The following TBC1D19 variants were observed in gnomAD, a reference collection of about 807,000 sequenced individuals.
TBC1D19 encodes TBC1 domain family, member 19.
In TBC1D19, 60 loss-of-function variants were observed where a neutral mutation model predicts 89.0. That is an observed-to-expected ratio of 0.67 (90% confidence interval 0.55 to 0.84). The LOEUF is 0.84. Ranked by LOEUF, TBC1D19 falls within the 40% of genes least tolerant of loss-of-function variation. The pLI, the probability that TBC1D19 is intolerant of heterozygous loss-of-function variation, is 0.00. For missense variants in TBC1D19, 500 were observed against 610.8 expected, an observed-to-expected ratio of 0.82 and a Z score of 1.91; for synonymous variants, 189 against 199.7, an observed-to-expected ratio of 0.95 and a Z score of 0.45.
intron 7 of TBC1D19, among the ~76,000 whole-genome samples, chr4:26,641,696 A>G (rs1320934777): frequency 6.6e-6 from 1 of 152,302 alleles, no homozygotes; most frequent in South Asian, 2.1e-4. Flanking sequence ...GATTAGACGA[A>G]TGGCTAACTA....
intron 15 of TBC1D19, among the ~76,000 whole-genome samples, chr4:26,725,158 C>T (rs7658999): frequency 0.42 from 63,492 of 152,054 alleles, 13,549 homozygotes; most frequent in Non-Finnish European, 0.47. Flanking sequence ...TGGCTGCTGC[C>T]AAGTTGGGGA....
intron 11 of TBC1D19, among the ~76,000 whole-genome samples, chr4:26,676,271 C>A (rs1712795922): frequency 6.6e-6 from 1 of 152,160 alleles, no homozygotes; most frequent in Admixed American, 6.6e-5. Context: ...TCTCTTCAGT[C>A]CCTTCTCTTC....
intron 7 of TBC1D19, among the ~76,000 whole-genome samples, chr4:26,641,617 T>A (rs1159437569): frequency 7.2e-6 from 1 of 138,264 alleles, no homozygotes; most frequent in Non-Finnish European, 1.7e-5. Flanking sequence ...AAGTCGGTAA[T>A]AACACACGTC....
intron 9 of TBC1D19, among the ~76,000 whole-genome samples, chr4:26,667,345 C>G (rs957052896): frequency 6.6e-6 from 1 of 151,996 alleles, no homozygotes; most frequent in Non-Finnish European, 1.5e-5. Context: ...AAGCCCTCCT[C>G]CTACCCTCTT....
intron 1 of TBC1D19, among the ~76,000 whole-genome samples, chr4:26,578,338 G>A (rs2109918389): frequency 6.6e-6 from 1 of 152,294 alleles, no homozygotes; most frequent in Admixed American, 6.5e-5. Context: ...CTTCCATAAT[G>A]GATGGAGACA....
At chr4:26,832,078 A>G in the TBC1D19 span, among the ~76,000 whole-genome samples, 1 of 152,248 alleles carries the variant, frequency 6.6e-6, no homozygotes, top group Non-Finnish European at 1.5e-5. Context: ...CATGCTGGGC[A>G]AGCTGTGGGT....
At chr4:26,652,393 C>A (rs1481540130) in intron 7 of TBC1D19, among the ~76,000 whole-genome samples, 1 of 152,058 alleles carries the variant, frequency 6.6e-6, no homozygotes, top group African/African-American at 2.4e-5. Context: ...AATTTCAGAG[C>A]CTGTTATTTT....
the TBC1D19 span, among the ~76,000 whole-genome samples, chr4:26,839,580 G>A: frequency 7.8e-5 from 11 of 141,088 alleles, no homozygotes; most frequent in South Asian, 1.4e-3. Context: ...TCACCCCCCC[G>A]CCCTTTCTGT....
intron 7 of TBC1D19, among the ~76,000 whole-genome samples, chr4:26,651,325 A>G (rs1744362469): frequency 6.6e-6 from 1 of 151,998 alleles, no homozygotes; most frequent in Non-Finnish European, 1.5e-5. Flanking sequence ...CATTTTCACG[A>G]TATTGATTCT....
At chr4:26,604,148 C>CTTTTT (rs1173641270) in intron 1 of TBC1D19, among the ~76,000 whole-genome samples, 118 of 120,686 alleles carry the variant, frequency 9.8e-4, no homozygotes, top group African/African-American at 2.7e-3. Context: ...TTTTCTTTTT[C>CTTTTT]TTTTTTTTTT....
the TBC1D19 span, among the ~76,000 whole-genome samples, chr4:26,837,921 AT>A: frequency 1.3e-5 from 2 of 152,156 alleles, no homozygotes; most frequent in African/African-American, 4.8e-5. Flanking sequence ...AAAATTGGAC[AT>A]TTTTTCCCCT....
chr4:26,616,057 T>A (rs1417720376), intron 3 of TBC1D19, among the ~76,000 whole-genome samples: 1 of 151,552 alleles, frequency 6.6e-6, no homozygotes, highest in Non-Finnish European at 1.5e-5. Context: ...CTCGTTGGGA[T>A]TTTTTTTTAA....
At chr4:26,599,216 C>T (rs982377557) in intron 1 of TBC1D19, among the ~76,000 whole-genome samples, 2 of 152,050 alleles carry the variant, frequency 1.3e-5, no homozygotes, top group African/African-American at 2.4e-5. Flanking sequence ...AGTTTATATC[C>T]ATTAGCACTG....
At chr4:26,634,372 G>A (rs560242519) in intron 4 of TBC1D19, among the ~76,000 whole-genome samples, 5 of 152,192 alleles carry the variant, frequency 3.3e-5, no homozygotes, top group Non-Finnish European at 5.9e-5. Context: ...AAAAATGTGA[G>A]ACTGCGAGAG....
intron 4 of TBC1D19, among the ~76,000 whole-genome samples, chr4:26,625,430 G>T (rs956057503): frequency 6.6e-6 from 1 of 152,112 alleles, no homozygotes; most frequent in African/African-American, 2.4e-5. Flanking sequence ...GATCTCATAC[G>T]CAGTTTCCCT....
At chr4:26,728,944 G>A (rs1717491258) in intron 15 of TBC1D19, among the ~76,000 whole-genome samples, 1 of 152,228 alleles carries the variant, frequency 6.6e-6, no homozygotes, top group Non-Finnish European at 1.5e-5. Flanking sequence ...GAACCCGGGA[G>A]GCGGAGCTTG....
downstream of TBC1D19, among the ~76,000 whole-genome samples, chr4:26,760,745 T>C (rs1719432206): frequency 6.6e-6 from 1 of 152,210 alleles, no homozygotes; most frequent in Admixed American, 6.5e-5. Context: ...AATTTATCTA[T>C]TTTTTCTTTT....
the TBC1D19 span, among the ~76,000 whole-genome samples, chr4:26,833,017 CA>C: frequency 1.3e-5 from 2 of 151,994 alleles, no homozygotes; most frequent in East Asian, 1.9e-4. Flanking sequence ...CAAAACAAAA[CA>C]AAAAACAAAT....
intron 5 of TBC1D19, 37 bp downstream of exon 5, chr4:26,637,322 G>A: frequency 6.9e-7 from 1 of 1,448,130 alleles, no homozygotes; most frequent in East Asian, 2.3e-5. Context: ...GTATTTCATT[G>A]TGAATCAAAT....
Sources: gnomAD v4.1 joint callset for allele counts (sites outside exome capture counted in the v4.1 genomes callset) on GRCh38, gnomAD v4.1.1 for gene constraint, MANE v1.5 for transcripts, NCBI Gene and HGNC (gene_info 2026-07-23, HGNC 2026-07-21) for gene names.